IFT122: variants seen among roughly 807,000 people sequenced by gnomAD.
The protein encoded by IFT122 is intraflagellar transport protein 122 homolog.
IFT122 carries 118 observed loss-of-function variants against 161.6 expected under a neutral mutation model. The ratio of observed to expected loss-of-function variants is 0.73; its 90% CI spans 0.63 to 0.85. IFT122 has a LOEUF of 0.85. Among genes scored for constraint, IFT122 ranks in the 40% least tolerant of loss-of-function variants. The pLI, the probability that IFT122 is intolerant of heterozygous loss-of-function variation, is 0.00. For synonymous variants in IFT122, 550 were observed against 602.4 expected (o/e 0.91, Z 1.27); for missense variants, 1,381 against 1,579.6 (o/e 0.87, Z 2.13).
At chr3:129,446,387 G>T (rs1381844968) in intron 1 of IFT122, among the ~76,000 whole-genome samples, 1 of 135,308 alleles carries the variant, frequency 7.4e-6, no homozygotes, top group Non-Finnish European at 1.6e-5. Flanking sequence ...ATCATGCTTG[G>T]CTAATTTTTT....
intron 25 of IFT122, 194 bp from the exon 26 acceptor site, chr3:129,515,294 C>A: frequency 1.5e-6 from 1 of 648,138 alleles, no homozygotes; most frequent in South Asian, 1.8e-5. Flanking sequence ...AGTGACAGGG[C>A]TTGGGTATTT....
chr3:129,483,585 T>C lies in IFT122; in HGVS notation c.1754T>C (p.Val585Ala), dbSNP rs201970645. ...YLNIKASTFP[V>A]HRQKLQGFVV... ...AACATCAAAGCCAGCACCTTCCCTG[T>C]GCACCGGCAGAAGCTGCAGGGCTTT... The change falls in exon 15 of 30, where the codon GTG (valine) becomes GCG (alanine). Residue 585 changes from valine to alanine, a missense_variant. Around this residue, in one of 7 missense-constraint regions of IFT122, gnomAD observed 544 missense variants for 648.0 expected, o/e 0.84. Coordinates refer to ENST00000348417, the MANE Select transcript of IFT122 (RefSeq NM_052989.3). 3.4e-5 allele frequency: 55 copies of C among 1,614,038 alleles called. No individual in the cohort carries two copies. Among genetic ancestry groups the C allele is most frequent in the Non-Finnish European group, 4.5e-5 (53 of 1,180,034 alleles).
chr3:129,464,059 G>C (rs72988820), intron 6 of IFT122, among the ~76,000 whole-genome samples: 13,811 of 152,228 alleles, frequency 0.091, 699 homozygotes, highest in South Asian at 0.13. Flanking sequence ...TTCCTCATCT[G>C]ACAGATAGGG....
rs755677495 is a variant in IFT122 at position 129,502,728 on chromosome 3, G to T, written c.2393G>T (p.Arg798Leu). The change falls in exon 20 of 30, where the codon CGC (arginine) becomes CTC (leucine). Residue 798 changes from arginine to leucine, a missense_variant. Arg to Leu is a moderately radical substitution (Grantham distance 102). This residue lies in a region of IFT122 where 496 missense variants were observed against 502.5 expected (regional missense o/e 0.99). Transcript: ENST00000348417. ...GWVDMLIDIA[R>L]KLDKAEREPL... Reference sequence around the variant, plus strand: ...CTCTCCAGGTTGATCGACATCGCCCGCAAACTGGACAAGGCTGAGCGCGAG... The same window carrying T: ...CTCTCCAGGTTGATCGACATCGCCCTCAAACTGGACAAGGCTGAGCGCGAG... The T allele has an allele frequency of 1.2e-6, 2 of 1,608,680 alleles. No individual in the cohort carries two copies. The highest frequency in any genetic ancestry group is 8.5e-7 in the Non-Finnish European group (1 of 1,180,002).
At chr3:129,494,715 G>A (rs1359408798) in intron 17 of IFT122, among the ~76,000 whole-genome samples, 1 of 149,026 alleles carries the variant, frequency 6.7e-6, no homozygotes, top group Non-Finnish European at 1.5e-5. Context: ...TGTGTTGTTG[G>A]GGACATCACT....
intron 1 of IFT122, among the ~76,000 whole-genome samples, chr3:129,448,012 C>T (rs550293030): frequency 6.6e-6 from 1 of 152,252 alleles, no homozygotes; most frequent in East Asian, 1.9e-4. Flanking sequence ...TTATTTCTCA[C>T]TTTCATGTCT....
At chr3:129,485,910 G>A (rs1202781143) in intron 15 of IFT122, among the ~76,000 whole-genome samples, 1 of 152,228 alleles carries the variant, frequency 6.6e-6, no homozygotes. Context: ...TGTGGTTTTG[G>A]CCCAGAGAGG....
intron 9 of IFT122, among the ~76,000 whole-genome samples, chr3:129,472,898 T>C (rs988189250): frequency 6.6e-6 from 1 of 152,244 alleles, no homozygotes; most frequent in African/African-American, 2.4e-5. Flanking sequence ...TCAGTTATTA[T>C]TGCATTTTTC....
chr3:129,496,304 G>T lies in IFT122; in HGVS notation c.2208+697G>T, dbSNP rs560016406. 9.2e-5 allele frequency among the ~76,000 whole-genome samples: 14 copies of T among 152,196 alleles called. No individual in the cohort carries two copies. In the East Asian group the frequency reaches 2.3e-3, roughly 25 times the overall value. On this transcript the variant is annotated intron_variant, in intron 18 of 29. Coordinates refer to ENST00000348417, the MANE Select transcript of IFT122 (RefSeq NM_052989.3). ...CTCCTGATGGCTTCTGTGGGAAGGAGTTGCACTAAGGAGCCCAGAGCAGTC... is the reference window on the plus strand; with the variant it reads ...CTCCTGATGGCTTCTGTGGGAAGGATTTGCACTAAGGAGCCCAGAGCAGTC...
At position 129,514,566 on chromosome 3, in the gene IFT122, G is replaced by A. The variant is rs532603108; in HGVS notation, c.3153+12G>A. On this transcript the variant is annotated intron_variant, in intron 25 of 29. Coordinates refer to ENST00000348417, the MANE Select transcript of IFT122 (RefSeq NM_052989.3). ...TCCACGACAGTGAGGTGAGGATGCA[G>A]CACCCTTGGGCAGGTGGCTTCTCCT... The A allele has an allele frequency of 3.9e-5, 63 of 1,614,078 alleles. No individual in the cohort carries two copies. The South Asian group carries it at 6.6e-4, about 17-fold the overall frequency.
intron 1 of IFT122, among the ~76,000 whole-genome samples, chr3:129,446,606 C>G (rs1451107583): frequency 1.3e-5 from 2 of 152,274 alleles, no homozygotes; most frequent in East Asian, 3.9e-4. Context: ...GTTGTTCCAT[C>G]TTTCTGGACC....
At chr3:129,494,783 G>A (rs776220829) in intron 17 of IFT122, among the ~76,000 whole-genome samples, 6 of 152,072 alleles carry the variant, frequency 3.9e-5, no homozygotes, top group Admixed American at 1.3e-4. Context: ...ACAGAACTGC[G>A]TCCAAATTCC....
chr3:129,495,624 C>A lies in IFT122; in HGVS notation c.2208+17C>A, dbSNP rs765551410. The A allele has an allele frequency of 3.1e-5, 50 of 1,613,972 alleles. No individual in the cohort carries two copies. Among genetic ancestry groups the A allele is most frequent in the Non-Finnish European group, 3.7e-5 (44 of 1,179,968 alleles). ...TATGCCAAGGTAACCTACCCTGTCC[C>A]AGGCCCAAGCTCCAGCTTGGAGCCC... On this transcript the variant is annotated intron_variant, in intron 18 of 29. Transcript: ENST00000348417.
chr3:129,513,638 G>A (rs1282566284), intron 24 of IFT122: 1 of 159,662 alleles, frequency 6.3e-6, no homozygotes, highest in Non-Finnish European at 1.4e-5. Context: ...CATCCCCTGG[G>A]GACCTGGAAA....
At chr3:129,441,616 C>A (rs923038578) in intron 1 of IFT122, among the ~76,000 whole-genome samples, 1 of 152,136 alleles carries the variant, frequency 6.6e-6, no homozygotes, top group African/African-American at 2.4e-5. Context: ...TTAATTTTTC[C>A]TTATGTTACA....
chr3:129,459,220 C>G, intron 4 of IFT122: 2 of 439,386 alleles, frequency 4.6e-6, no homozygotes, highest in Non-Finnish European at 9.0e-6. Context: ...TAGGTTTATT[C>G]TGGTGACTGA....
At chr3:129,452,366 T>TA (rs1300472708) in intron 3 of IFT122, among the ~76,000 whole-genome samples, 3 of 132,612 alleles carry the variant, frequency 2.3e-5, no homozygotes, top group Non-Finnish European at 4.5e-5. Context: ...TGATAACTGT[T>TA]ATGGAAGAAG....
chr3:129,450,606 G>A (rs1277671432), intron 2 of IFT122, among the ~76,000 whole-genome samples: 2 of 151,166 alleles, frequency 1.3e-5, no homozygotes, highest in African/African-American at 4.9e-5. Context: ...TCTCTCCAGT[G>A]TAAACAATCC....
chr3:129,496,249 A>G (rs2080829882), intron 18 of IFT122, among the ~76,000 whole-genome samples: 1 of 152,034 alleles, frequency 6.6e-6, no homozygotes, highest in African/African-American at 2.4e-5. Flanking sequence ...CTTTTAAGGC[A>G]GGTGTAGGAG....
Sources: allele counts gnomAD v4.1 joint callset (sites outside exome capture counted in the v4.1 genomes callset), GRCh38; gene constraint gnomAD v4.1.1; regional missense constraint gnomAD v4.1.1; transcripts MANE v1.5; gene names NCBI Gene and HGNC (gene_info 2026-07-23, HGNC 2026-07-21).